FRMPD3: variants seen among roughly 807,000 people sequenced by gnomAD.
FRMPD3 encodes FERM and PDZ domain-containing protein 3.
Under a neutral mutation model 97.9 loss-of-function variants are expected in FRMPD3, and 42 were observed. That is an observed-to-expected ratio of 0.43 (90% CI 0.34 to 0.55). The LOEUF (loss-of-function observed/expected upper bound fraction) is 0.55, where lower values mean the gene tolerates loss of function less well. FRMPD3 is among the 20% of genes least tolerant of loss of function. The probability of loss-of-function intolerance (pLI) is 0.03; values close to 1 mark genes in which losing one functional copy is unlikely to be tolerated. For missense variants in FRMPD3, 1,303 were observed against 1,457.7 expected (o/e 0.89, Z 1.73); for synonymous variants, 577 against 581.1 (o/e 0.99, Z 0.10).
chrX:107,528,847 G>C (rs930753475), intron 2 of FRMPD3, among the ~76,000 whole-genome samples: 1 of 112,953 alleles, frequency 8.9e-6, no homozygotes, highest in African/African-American at 3.2e-5. Flanking sequence ...GGCCTAGTGT[G>C]TTTAGGGCAA....
intron 1 of FRMPD3, among the ~76,000 whole-genome samples, chrX:107,475,529 A>G (rs946255908): frequency 2.7e-5 from 3 of 112,454 alleles, no homozygotes; most frequent in African/African-American, 9.7e-5. Context: ...TGACCAGAAT[A>G]TTTGAGGATG....
rs1043875022 is a variant in FRMPD3 at position 107,533,623 on chromosome X, C to A, written c.297+73C>A. On this transcript the variant is annotated intron_variant, in intron 4 of 14. Coordinates refer to ENST00000683843, the MANE Select transcript of FRMPD3 (RefSeq NM_001388459.1). ...ATGACATTTCCATATTGGAAAGCAACAGTGATGGGGTTGGGGGTTCAGAGA... is the reference window on the plus strand; with the variant it reads ...ATGACATTTCCATATTGGAAAGCAAAAGTGATGGGGTTGGGGGTTCAGAGA... 1.1e-5 allele frequency: 11 copies of A among 993,609 alleles called. No homozygotes were observed. The Admixed American group carries it at 2.3e-4, about 20-fold the overall frequency. The allele number at this position is 993,609 out of a possible 1,213,427, so 81.9% of individuals were successfully genotyped here.
At chrX:107,486,393 G>A (rs970866682) in intron 1 of FRMPD3, among the ~76,000 whole-genome samples, 1 of 112,615 alleles carries the variant, frequency 8.9e-6, no homozygotes, top group Non-Finnish European at 1.9e-5. Context: ...ATTGCGTTGG[G>A]TCAAGGCATT....
intron 1 of FRMPD3, among the ~76,000 whole-genome samples, chrX:107,489,069 A>G (rs1921583140): frequency 1.0e-5 from 1 of 97,861 alleles, no homozygotes; most frequent in Admixed American, 1.2e-4. Context: ...CCCACCTATG[A>G]GTGAGAACAT....
At chrX:107,497,040 C>T (rs1165022274) in intron 1 of FRMPD3, among the ~76,000 whole-genome samples, 1 of 112,070 alleles carries the variant, frequency 8.9e-6, no homozygotes, top group Non-Finnish European at 1.9e-5. Flanking sequence ...CCCCCTGAGG[C>T]TACACATTAT....
At position 107,542,837 on chromosome X, in the gene FRMPD3, G is replaced by A. The variant is rs187845761; in HGVS notation, c.298-2900G>A. ...AGAAATTCCTGATTGTAGGACTCAGGCTCCATGGCAAGGCCCATAGGGGTG... is the reference window on the plus strand; with the variant it reads ...AGAAATTCCTGATTGTAGGACTCAGACTCCATGGCAAGGCCCATAGGGGTG... On this transcript the variant is annotated intron_variant, in intron 4 of 14. Coordinates refer to ENST00000683843, the MANE Select transcript of FRMPD3 (RefSeq NM_001388459.1). Among the ~76,000 whole-genome samples, 936 of 111,824 alleles carry A rather than the reference G, an allele frequency of 8.4e-3. 10 individuals are homozygous for A. The highest frequency in any genetic ancestry group is 0.029 in the African/African-American group (879 of 30,722).
At position 107,602,954 on chromosome X, in the gene FRMPD3, C is replaced by T. The variant is rs1359966876; in HGVS notation, c.4915C>T (p.Arg1639Trp). Residue 1639 changes from arginine to tryptophan, a missense_variant, in exon 15 of 15, where the codon CGG becomes TGG. Physicochemically the swap from Arg to Trp is moderately radical, Grantham distance 101. This residue lies in a region of FRMPD3 where 764 missense variants were observed against 820.2 expected (regional missense o/e 0.93). Transcript: ENST00000683843. ...LELALKFKEL[R>W]ASCRRVANVD... is the part of the protein sequence containing the mutation. ...GCTAGCTCTCAAGTTCAAGGAGCTC[C>T]GGGCCTCCTGCCGCCGTGTGGCCAA... 8.3e-6 allele frequency: 10 copies of T among 1,211,190 alleles called. No individual in the cohort carries two copies. Among genetic ancestry groups the T allele is most frequent in the Admixed American group, 2.2e-5 (1 of 46,146 alleles).
In FRMPD3 at chrX:107,601,670, C is replaced by G. The variant is rs760075673; in HGVS notation, c.3631C>G (p.Arg1211Gly). The change falls in exon 15 of 15, where the codon CGA becomes GGA. Residue 1211 changes from arginine to glycine, a missense_variant. Arg to Gly is a moderately radical substitution (Grantham distance 125). Around this residue, in one of 3 missense-constraint regions of FRMPD3, gnomAD observed 764 missense variants for 820.2 expected, o/e 0.93. Transcript: ENST00000683843. ...AGGCCCTGCCAAACCCAAGTCATCC[C>G]GAGGTCCTTTCCGGCTACGCAATTT... Reference protein sequence around the residue: ...SEGPAKPKSSRGPFRLRNLFS... With the variant: ...SEGPAKPKSSGGPFRLRNLFS... 6 of 1,211,305 alleles carry G rather than the reference C, an allele frequency of 5.0e-6. No individual in the cohort carries two copies. The highest frequency in any genetic ancestry group is 5.6e-6 in the Non-Finnish European group (5 of 895,527).
intron 1 of FRMPD3, among the ~76,000 whole-genome samples, chrX:107,502,141 C>T (rs941101040): frequency 9.1e-6 from 1 of 110,265 alleles, no homozygotes; most frequent in Admixed American, 9.6e-5. Flanking sequence ...CCGGGCCCAG[C>T]GAGAACAGAA....
intron 4 of FRMPD3, 48 bp from the exon 5 acceptor site, chrX:107,545,689 G>A: frequency 9.5e-7 from 1 of 1,050,084 alleles, no homozygotes; most frequent in Admixed American, 2.2e-5. Context: ...CAAAGGTTAG[G>A]CTTTCCCTAG....
At chrX:107,569,314 AAAAGCAC>A (rs1198861732) in intron 12 of FRMPD3, among the ~76,000 whole-genome samples, 1 of 108,423 alleles carries the variant, frequency 9.2e-6, no homozygotes, top group East Asian at 2.9e-4. Flanking sequence ...AAAAAAAAAA[AAAAGCAC>A]AAATACATGG....
chrX:107,510,996 G>A (rs1922150153), intron 1 of FRMPD3, among the ~76,000 whole-genome samples: 1 of 112,461 alleles, frequency 8.9e-6, no homozygotes, highest in South Asian at 3.7e-4. Flanking sequence ...TCAGGCAAGA[G>A]GGAGGAGCAG....
intron 1 of FRMPD3, among the ~76,000 whole-genome samples, chrX:107,499,708 T>C (rs948425475): frequency 8.9e-6 from 1 of 112,616 alleles, no homozygotes; most frequent in Non-Finnish European, 1.9e-5. Flanking sequence ...ATATACTCAT[T>C]TAACCCTCAT....
intron 1 of FRMPD3, among the ~76,000 whole-genome samples, chrX:107,516,808 T>G (rs1922348368): frequency 1.8e-5 from 2 of 111,077 alleles, no homozygotes; most frequent in Admixed American, 1.9e-4. Context: ...TGCAAAAATT[T>G]TCTCCCATTC....
At position 107,598,112 on chromosome X, in the gene FRMPD3, G is replaced by A. The variant is rs1195832142; in HGVS notation, c.2233G>A (p.Gly745Arg). ...AGAAGCCCTGGCTGCATCCGAGGATGGACCACACCCACCACCCCCACAGAC... is the reference window on the plus strand; with the variant it reads ...AGAAGCCCTGGCTGCATCCGAGGATAGACCACACCCACCACCCCCACAGAC... ...ALEALAASED[G>R]PHPPPPQTAG... The change falls in exon 14 of 15, where the codon GGA becomes AGA. Residue 745 changes from glycine to arginine, a missense_variant. Coordinates refer to ENST00000683843, the MANE Select transcript of FRMPD3 (RefSeq NM_001388459.1). 1 of 1,207,583 alleles carries A rather than the reference G, an allele frequency of 8.3e-7. No individual in the cohort carries two copies. The highest frequency in any genetic ancestry group is 2.3e-4 in the Middle Eastern group (1 of 4,340).
At chrX:107,565,815 C>T (rs1272380136) in intron 12 of FRMPD3, among the ~76,000 whole-genome samples, 1 of 112,158 alleles carries the variant, frequency 8.9e-6, no homozygotes, top group East Asian at 2.8e-4. Flanking sequence ...TCTGTCCACC[C>T]CAGGTTCTGC....
chrX:107,594,744 G>A (rs934233617), intron 13 of FRMPD3, among the ~76,000 whole-genome samples: 1 of 111,173 alleles, frequency 9.0e-6, no homozygotes, highest in African/African-American at 3.3e-5. Flanking sequence ...AACCAGACAT[G>A]GTGGCACATG....
In FRMPD3 at chrX:107,594,318, G is replaced by A. The variant is rs534443371; in HGVS notation, c.1442-3003G>A. ...TATCATCTGTGAACAGTGACAATTC[G>A]ACTTCCTCTTTACCAGTTTGGATGC... On this transcript the variant is annotated intron_variant, in intron 13 of 14. Transcript: ENST00000683843. 5.1e-4 allele frequency among the ~76,000 whole-genome samples: 57 copies of A among 111,758 alleles called. No homozygotes were observed. The Middle Eastern group carries it at 0.018, about 36-fold the overall frequency.
At chrX:107,595,030 G>A (rs1226895085) in intron 13 of FRMPD3, among the ~76,000 whole-genome samples, 1 of 110,967 alleles carries the variant, frequency 9.0e-6, no homozygotes, top group Non-Finnish European at 1.9e-5. Context: ...ATTTAAGAGT[G>A]TTTTGGCTGG....
Sources: gnomAD v4.1 joint callset for allele counts (sites outside exome capture counted in the v4.1 genomes callset) on GRCh38, gnomAD v4.1.1 for gene constraint, gnomAD v4.1.1 regional missense constraint, MANE v1.5 for transcripts, NCBI Gene and HGNC (gene_info 2026-07-23, HGNC 2026-07-21) for gene names.